The following SND1 variants were observed in gnomAD, a reference collection of about 807,000 sequenced individuals.
SND1 encodes staphylococcal nuclease and tudor domain containing 1.
A neutral mutation model predicts 121.7 loss-of-function variants in SND1; 38 were observed. That is an observed-to-expected ratio of 0.31 (90% CI 0.24 to 0.41). SND1 has a LOEUF of 0.41. Ranked by LOEUF, SND1 falls within the 10% of genes least tolerant of loss-of-function variation. SND1 has a pLI of 1.00. For missense variants in SND1, 868 were observed against 1,184.6 expected (o/e 0.73, Z 3.92); for synonymous variants, 401 against 447.4 (o/e 0.90, Z 1.31).
chr7:127,714,509 G>T (rs1436424411), intron 9 of SND1, among the ~76,000 whole-genome samples: 2 of 152,082 alleles, frequency 1.3e-5, no homozygotes, highest in African/African-American at 4.8e-5. Context: ...ATAATATGTA[G>T]TATCTTAACG....
intron 12 of SND1, among the ~76,000 whole-genome samples, chr7:127,869,144 G>A (rs531974917): frequency 3.9e-5 from 6 of 152,164 alleles, no homozygotes; most frequent in African/African-American, 1.4e-4. Flanking sequence ...GAGTCAGGGA[G>A]GCCTCAGTGG....
chr7:127,660,884 G>A (rs139231375), intron 1 of SND1, among the ~76,000 whole-genome samples: 286 of 152,114 alleles, frequency 1.9e-3, no homozygotes, highest in Non-Finnish European at 3.1e-3. Context: ...CCTAGAAGAC[G>A]TTTCCCAGGC....
intron 15 of SND1, among the ~76,000 whole-genome samples, chr7:127,990,443 A>C (rs901328378): frequency 1.3e-5 from 2 of 152,158 alleles, no homozygotes; most frequent in Admixed American, 6.5e-5. Flanking sequence ...GGGGAGGCTT[A>C]TTTGAAGAGA....
intron 16 of SND1, among the ~76,000 whole-genome samples, chr7:128,034,925 G>A (rs1792719887): frequency 6.6e-6 from 1 of 152,200 alleles, no homozygotes; most frequent in Admixed American, 6.5e-5. Context: ...GGCTCTGACT[G>A]CTTCTTGGAT....
intron 15 of SND1, among the ~76,000 whole-genome samples, chr7:127,981,904 G>A (rs902069030): frequency 6.6e-6 from 1 of 152,180 alleles, no homozygotes; most frequent in Non-Finnish European, 1.5e-5. Context: ...TAACTCATAT[G>A]CATCCAGAAC....
intron 10 of SND1, among the ~76,000 whole-genome samples, chr7:127,781,482 A>G (rs1325812359): frequency 6.6e-6 from 1 of 152,178 alleles, no homozygotes; most frequent in Non-Finnish European, 1.5e-5. Flanking sequence ...TTTCTTTATA[A>G]TTGTAACTCC....
rs183862892 is a variant in SND1, at chr7:127,757,058, G to C, written c.1152+35658G>C. ...TATCTACCACCCAAATCAAGACATA[G>C]AAAATTTTTAGTATCCCAAAAATTT... On this transcript the variant is annotated intron_variant, in intron 10 of 23. Transcript: ENST00000354725. 4.9e-3 allele frequency among the ~76,000 whole-genome samples: 746 copies of C among 152,030 alleles called. 5 individuals carry two copies. The highest frequency in any genetic ancestry group is 0.017 in the African/African-American group (707 of 41,434).
chr7:127,664,635 A>G (rs1795380545), intron 1 of SND1, among the ~76,000 whole-genome samples: 1 of 152,212 alleles, frequency 6.6e-6, no homozygotes, highest in Admixed American at 6.5e-5. Flanking sequence ...TATTCTAGCA[A>G]ATTAATAAAC....
At chr7:127,947,477 A>G (rs1462093738) in intron 15 of SND1, among the ~76,000 whole-genome samples, 2 of 152,232 alleles carry the variant, frequency 1.3e-5, no homozygotes, top group African/African-American at 2.4e-5. Flanking sequence ...TAATGGCACT[A>G]TGAGAATATC....
At chr7:127,687,292 G>T (rs1303929762) in intron 2 of SND1, 1 of 152,104 alleles carries the variant, frequency 6.6e-6, no homozygotes, top group African/African-American at 2.4e-5. Context: ...TAAATGCTAG[G>T]CCCATATTTT....
At chr7:127,790,297 G>A (rs146167329) in intron 10 of SND1, among the ~76,000 whole-genome samples, 1 of 152,304 alleles carries the variant, frequency 6.6e-6, no homozygotes, top group Non-Finnish European at 1.5e-5. Flanking sequence ...TGTGGGGGAT[G>A]CTTAGGCTCC....
At chr7:127,768,083 T>G (rs1269192629) in intron 10 of SND1, among the ~76,000 whole-genome samples, 1 of 152,190 alleles carries the variant, frequency 6.6e-6, no homozygotes, top group Non-Finnish European at 1.5e-5. Flanking sequence ...GCCGCAGCTC[T>G]TTAGCCAGCA....
At position 127,706,260 on chromosome 7, in the gene SND1, C is replaced by G. The variant is rs1373191242; in HGVS notation, c.948-1297C>G. Among the ~76,000 whole-genome samples the G allele has an allele frequency of 2.5e-3, 181 of 73,270 alleles. 3 individuals carry two copies. The highest frequency in any genetic ancestry group is 0.011 in the African/African-American group (171 of 15,374). 48.1% of individuals were successfully genotyped at this position (73,270 alleles called of 152,430 possible). On this transcript the variant is annotated intron_variant, in intron 8 of 23. Transcript: ENST00000354725. ...TAATTTCTTGCCCCCCCTCCCCCCC[C>G]CCACCTTTTTTTTTTGAGACGGAGT... is the stretch of plus-strand genomic sequence containing the variant.
At chr7:128,063,503 C>T (rs1017533769) in intron 16 of SND1, among the ~76,000 whole-genome samples, 4 of 152,174 alleles carry the variant, frequency 2.6e-5, no homozygotes, top group African/African-American at 9.7e-5. Context: ...AGGCCTTCTC[C>T]AGTCAGTTTG....
chr7:128,028,545 ATC>A (rs1407983728), intron 16 of SND1: 34 of 814,226 alleles, frequency 4.2e-5, no homozygotes, highest in Middle Eastern at 7.8e-4. Context: ...TTTTAATATA[ATC>A]TGTTTTTTTT....
At chr7:128,022,204 CAAAAAAAAA>C (rs58371490) in intron 16 of SND1, among the ~76,000 whole-genome samples, 2 of 74,148 alleles carry the variant, frequency 2.7e-5, no homozygotes, top group Non-Finnish European at 5.6e-5. Context: ...GACTCTCTCT[CAAAAAAAAA>C]AAAAAAAAAA....
At chr7:128,040,492 A>G (rs1792836072) in intron 16 of SND1, among the ~76,000 whole-genome samples, 1 of 151,664 alleles carries the variant, frequency 6.6e-6, no homozygotes, top group Non-Finnish European at 1.5e-5. Context: ...CTAAAAAAAA[A>G]AAAAGTGACA....
chr7:128,030,834 C>A, intron 16 of SND1: 1 of 625,426 alleles, frequency 1.6e-6, no homozygotes, highest in Non-Finnish European at 2.6e-6. Context: ...GGTCTCCCAA[C>A]CCACCCTCAA....
Position 127,980,007 on chromosome 7 carries a change from G to A in SND1, c.1670-10940G>A, listed in dbSNP as rs184084178. Among the ~76,000 whole-genome samples the A allele has an allele frequency of 2.1e-4, 32 of 152,306 alleles. 1 individual carries two copies. In the South Asian group the frequency reaches 2.7e-3, roughly 13 times the overall value. On this transcript the variant is annotated intron_variant, in intron 15 of 23. Coordinates refer to ENST00000354725, the MANE Select transcript of SND1 (RefSeq NM_014390.4). Reference sequence around the variant, plus strand: ...CTGGCCCAGGATTCAAGCTACTCAGGATAGGATATATGTAGCTTGGCCTGT... The same window carrying A: ...CTGGCCCAGGATTCAAGCTACTCAGAATAGGATATATGTAGCTTGGCCTGT...
Sources: gnomAD v4.1 joint callset for allele counts (sites outside exome capture counted in the v4.1 genomes callset) on GRCh38, gnomAD v4.1.1 for gene constraint, MANE v1.5 for transcripts, NCBI Gene and HGNC (gene_info 2026-07-23, HGNC 2026-07-21) for gene names.